The following BCAS1 variants were observed in gnomAD, a reference collection of about 807,000 sequenced individuals.
The protein encoded by BCAS1 is brain enriched myelin associated protein 1.
In BCAS1, 46 loss-of-function variants were observed where a neutral mutation model predicts 65.4. The ratio of observed to expected loss-of-function variants is 0.70; its 90% CI spans 0.55 to 0.90. The LOEUF is 0.90. Ranked by LOEUF, BCAS1 falls within the 40% of genes least tolerant of loss-of-function variation. The probability of loss-of-function intolerance (pLI) is 0.00; values close to 1 mark genes in which losing one functional copy is unlikely to be tolerated. For missense variants in BCAS1, 793 were observed against 771.2 expected (o/e 1.03, Z -0.33); for synonymous variants, 298 against 293.5 (o/e 1.02, Z -0.16).
chr20:53,976,449 A>G (rs2090337428), intron 8 of BCAS1, among the ~76,000 whole-genome samples: 1 of 151,842 alleles, frequency 6.6e-6, no homozygotes, highest in South Asian at 2.1e-4. Context: ...TAAGGCATCC[A>G]GGGGAGGGGA....
intron 1 of BCAS1, among the ~76,000 whole-genome samples, chr20:54,069,245 G>A (rs2092484151): frequency 6.6e-6 from 1 of 152,072 alleles, no homozygotes; most frequent in Admixed American, 6.6e-5. Flanking sequence ...CTGGACTCCG[G>A]GGGAACAATG....
chr20:54,017,115 G>T (rs928011990), intron 4 of BCAS1, among the ~76,000 whole-genome samples: 1 of 152,084 alleles, frequency 6.6e-6, no homozygotes, highest in African/African-American at 2.4e-5. Context: ...ATAGGGGGAG[G>T]GGGGAAAGAA....
chr20:54,051,457 C>T (rs1365918925), intron 3 of BCAS1, among the ~76,000 whole-genome samples: 1 of 152,138 alleles, frequency 6.6e-6, no homozygotes, highest in Non-Finnish European at 1.5e-5. Flanking sequence ...CTCCTGAGGT[C>T]TCCCTCTCTT....
intron 1 of BCAS1, among the ~76,000 whole-genome samples, chr20:54,059,432 AT>A (rs375639955): frequency 1.3e-4 from 20 of 151,356 alleles, no homozygotes; most frequent in Non-Finnish European, 2.2e-4. Flanking sequence ...AAATAATAAT[AT>A]TTTTTTCTGA....
chr20:53,980,121 T>C (rs1365027422), intron 8 of BCAS1, among the ~76,000 whole-genome samples: 1 of 152,212 alleles, frequency 6.6e-6, no homozygotes, highest in African/African-American at 2.4e-5. Context: ...CATAGTGTTA[T>C]GTTGACCTTT....
At chr20:53,987,405 A>T (rs974494453) in intron 7 of BCAS1, among the ~76,000 whole-genome samples, 1 of 152,218 alleles carries the variant, frequency 6.6e-6, no homozygotes, top group Non-Finnish European at 1.5e-5. Flanking sequence ...AACGTCCCAA[A>T]CGCTCTTGAG....
chr20:53,981,539 C>CTTTTTTTTTTTTTTTTT (rs36063430), intron 8 of BCAS1, among the ~76,000 whole-genome samples: 1 of 130,754 alleles, frequency 7.6e-6, no homozygotes. Flanking sequence ...ATTTGGCGTT[C>CTTTTTTTTTTTTTTTTT]TTTTTTTTTT....
intron 8 of BCAS1, among the ~76,000 whole-genome samples, chr20:53,979,089 C>A (rs1258018227): frequency 6.6e-6 from 1 of 152,032 alleles, no homozygotes; most frequent in African/African-American, 2.4e-5. Context: ...ACATGAAGAC[C>A]CTCATTTACA....
chr20:54,058,715 C>T lies in BCAS1; in HGVS notation c.4G>A (p.Gly2Ser). 4 of 1,609,226 alleles carry T rather than the reference C, an allele frequency of 2.5e-6. No individual in the cohort carries two copies. The highest frequency in any genetic ancestry group is 2.2e-5 in the East Asian group (1 of 44,724). The change falls in exon 2 of 13, where the codon GGT becomes AGT. Residue 2 changes from glycine to serine, a missense_variant. Transcript: ENST00000688948. ...CTTTGGGGAACACTCATTTGGTTAC[C>T]CATTGCTCCTATAATGGAGAGAAAG... M[G>S]NQMSVPQRVE...
chr20:54,007,272 C>A (rs2091219190), intron 4 of BCAS1, among the ~76,000 whole-genome samples: 1 of 152,166 alleles, frequency 6.6e-6, no homozygotes, highest in South Asian at 2.1e-4. Flanking sequence ...CAGGGGATAT[C>A]TATTGAACTT....
intron 4 of BCAS1, among the ~76,000 whole-genome samples, chr20:54,026,066 T>C (rs1288489298): frequency 1.3e-5 from 2 of 152,158 alleles, no homozygotes; most frequent in Admixed American, 6.5e-5. Context: ...AATTTCAATA[T>C]CACTGAAAAA....
intron 8 of BCAS1, among the ~76,000 whole-genome samples, chr20:53,978,069 G>A (rs919199969): frequency 8.2e-6 from 1 of 122,644 alleles, no homozygotes; most frequent in African/African-American, 3.3e-5. Context: ...TCCCCAGAGT[G>A]TGATGTTCCC....
intron 4 of BCAS1, among the ~76,000 whole-genome samples, chr20:54,016,585 T>G (rs777381686): frequency 6.6e-6 from 1 of 152,230 alleles, no homozygotes; most frequent in Non-Finnish European, 1.5e-5. Context: ...CATGTGTGTT[T>G]GAAGACTTTA....
intron 4 of BCAS1, among the ~76,000 whole-genome samples, chr20:54,025,080 C>A (rs1228068809): frequency 6.6e-6 from 1 of 152,106 alleles, no homozygotes; most frequent in African/African-American, 2.4e-5. Flanking sequence ...GTAACGATTG[C>A]AGGATTTAAT....
intron 3 of BCAS1, among the ~76,000 whole-genome samples, chr20:54,041,904 T>TCC (rs796843830): frequency 9.7e-5 from 3 of 30,906 alleles, no homozygotes; most frequent in African/African-American, 2.0e-4. Context: ...AGACTCTGTC[T>TCC]CCCCCAAAAA....
chr20:54,010,254 A>G (rs2091290800), intron 4 of BCAS1, among the ~76,000 whole-genome samples: 1 of 152,198 alleles, frequency 6.6e-6, no homozygotes, highest in South Asian at 2.1e-4. Context: ...GAAAATAAAT[A>G]TAGGGAATAC....
intron 12 of BCAS1, among the ~76,000 whole-genome samples, chr20:53,948,916 T>C (rs1356382165): frequency 6.6e-6 from 1 of 152,156 alleles, no homozygotes; most frequent in Non-Finnish European, 1.5e-5. Context: ...GGTCTCAGGC[T>C]CCTTGCAGTG....
chr20:53,957,249 G>A (rs1243324084), intron 11 of BCAS1, among the ~76,000 whole-genome samples, 183 bp downstream of exon 11: 1 of 152,188 alleles, frequency 6.6e-6, no homozygotes, highest in Non-Finnish European at 1.5e-5. Context: ...TAAAGCTGAG[G>A]AACTCTAGCT....
chr20:53,985,425 T>A lies in BCAS1; in HGVS notation c.1137A>T (p.Gln379His), dbSNP rs777504636. The change falls in exon 8 of 13, where the codon CAA becomes CAT. Residue 379 changes from glutamine to histidine, a missense_variant. By Grantham distance (24) the Gln-to-His change is conservative (BLOSUM62 0). Transcript: ENST00000688948. Reference protein sequence around the residue: ...DKANFTSQETQGAGKNSKGCN... With the variant: ...DKANFTSQETHGAGKNSKGCN... ...ATCCTTTGGAATTCTTGCCAGCCCC[T>A]TGGGTCTCCTGGGATGTAAAGTTGG... 6.2e-7 allele frequency: 1 copy of A among 1,614,030 alleles called. No individual in the cohort carries two copies. Among genetic ancestry groups the A allele is most frequent in the Non-Finnish European group, 8.5e-7 (1 of 1,179,966 alleles).
Sources: gnomAD v4.1 joint callset for allele counts (sites outside exome capture counted in the v4.1 genomes callset) on GRCh38, gnomAD v4.1.1 for gene constraint, MANE v1.5 for transcripts, NCBI Gene and HGNC (gene_info 2026-07-23, HGNC 2026-07-21) for gene names.